GABRB3: variants seen among roughly 807,000 people sequenced by gnomAD.
The protein encoded by GABRB3 is gamma-aminobutyric acid receptor subunit beta-3.
GABRB3 carries 14 observed loss-of-function variants against 52.1 expected under a neutral mutation model. The observed-to-expected ratio is 0.27, with a 90% CI of 0.18 to 0.42. GABRB3 has a LOEUF of 0.42. Among genes scored for constraint, GABRB3 ranks in the 10% least tolerant of loss-of-function variants. The pLI, the probability that GABRB3 is intolerant of heterozygous loss-of-function variation, is 1.00. For synonymous variants in GABRB3, 260 were observed against 232.3 expected, an observed-to-expected ratio of 1.12 and a Z score of -1.08; for missense variants, 307 against 609.1, an observed-to-expected ratio of 0.50 and a Z score of 5.22.
intron 1 of GABRB3, 30 bp from the exon 2 acceptor site, chr15:26,772,802 G>C (rs766998233): frequency 6.6e-7 from 1 of 1,521,028 alleles, no homozygotes; most frequent in South Asian, 1.2e-5. Context: ...CACAAAGAGC[G>C]GGGTCAGGGG....
At chr15:26,730,667 G>T (rs2140149656) in intron 3 of GABRB3, among the ~76,000 whole-genome samples, 1 of 152,164 alleles carries the variant, frequency 6.6e-6, no homozygotes, top group South Asian at 2.1e-4. Flanking sequence ...TTTTTTCTAG[G>T]TTTGGTATCT....
At chr15:26,607,256 G>A (rs923584370) in intron 4 of GABRB3, among the ~76,000 whole-genome samples, 2 of 151,946 alleles carry the variant, frequency 1.3e-5, no homozygotes, top group Non-Finnish European at 2.9e-5. Context: ...CATTTAATTC[G>A]GCTTAAGTTT....
chr15:26,729,009 T>G (rs1595555034), intron 3 of GABRB3, among the ~76,000 whole-genome samples: 1 of 152,190 alleles, frequency 6.6e-6, no homozygotes, highest in South Asian at 2.1e-4. Flanking sequence ...TGAGTATACG[T>G]GAGTCAAGTC....
intron 3 of GABRB3, among the ~76,000 whole-genome samples, chr15:26,743,072 G>A (rs1379365723): frequency 1.3e-5 from 2 of 151,960 alleles, no homozygotes; most frequent in Admixed American, 1.3e-4. Context: ...TGGGATTACA[G>A]GCACGCACCA....
At chr15:26,686,775 G>T (rs572919648) in intron 3 of GABRB3, among the ~76,000 whole-genome samples, 1 of 152,220 alleles carries the variant, frequency 6.6e-6, no homozygotes, top group Non-Finnish European at 1.5e-5. Flanking sequence ...CAGGGCACCC[G>T]GCGTGGGATG....
intron 3 of GABRB3, among the ~76,000 whole-genome samples, chr15:26,705,301 C>A (rs1264125272): frequency 1.3e-5 from 2 of 152,210 alleles, no homozygotes; most frequent in African/African-American, 2.4e-5. Context: ...ATCTCATTCA[C>A]AGGGAAGAAG....
chr15:26,579,901 G>A (rs1375982736), intron 6 of GABRB3, among the ~76,000 whole-genome samples: 1 of 152,150 alleles, frequency 6.6e-6, no homozygotes, highest in Non-Finnish European at 1.5e-5. Flanking sequence ...CACTAAGGCT[G>A]GCTGCTAACC....
chr15:26,555,473 G>A (rs1047818836), intron 8 of GABRB3, among the ~76,000 whole-genome samples: 1 of 152,190 alleles, frequency 6.6e-6, no homozygotes, highest in Non-Finnish European at 1.5e-5. Context: ...CCACTGTTGT[G>A]TTTGGGAGAC....
Position 26,766,950 on chromosome 15 carries a change from A to T in GABRB3, c.240+5452T>A, listed in dbSNP as rs147285335. ...GAGGGGAAAGGCAAAAAGCATTCTC[A>T]TTTTGCTCTCTATACCGTACGTTCT... On this transcript the variant is annotated intron_variant, in intron 3 of 8. Coordinates refer to ENST00000311550, the MANE Select transcript of GABRB3 (RefSeq NM_000814.6). Among the ~76,000 whole-genome samples the T allele has an allele frequency of 2.0e-3, 303 of 152,236 alleles. 1 individual carries two copies. Among genetic ancestry groups the T allele is most frequent in the African/African-American group, 6.4e-3 (266 of 41,546 alleles).
chr15:26,616,247 C>T (rs1892252099), intron 4 of GABRB3, among the ~76,000 whole-genome samples: 1 of 152,108 alleles, frequency 6.6e-6, no homozygotes, highest in Admixed American at 6.5e-5. Flanking sequence ...TATCAAAAGT[C>T]ACGTGTAAAA....
intron 3 of GABRB3, among the ~76,000 whole-genome samples, chr15:26,748,538 C>T (rs749676024): frequency 3.3e-5 from 5 of 151,998 alleles, no homozygotes; most frequent in African/African-American, 9.7e-5. Flanking sequence ...TTCTTTTAAG[C>T]GTATGTGGGA....
chr15:26,723,707 C>A (rs904699394), intron 3 of GABRB3, among the ~76,000 whole-genome samples: 4 of 152,140 alleles, frequency 2.6e-5, no homozygotes, highest in African/African-American at 9.7e-5. Flanking sequence ...TATAGGTCAC[C>A]AGGAACGTGA....
intron 3 of GABRB3, among the ~76,000 whole-genome samples, chr15:26,627,659 A>G (rs1252514390): frequency 1.3e-5 from 2 of 152,146 alleles, no homozygotes; most frequent in African/African-American, 4.8e-5. Context: ...ATTTCCCTGA[A>G]TTTCTGGAAT....
chr15:26,603,467 A>G (rs1343618178), intron 4 of GABRB3, among the ~76,000 whole-genome samples: 1 of 151,974 alleles, frequency 6.6e-6, no homozygotes, highest in African/African-American at 2.4e-5. Context: ...AAAATAAAAC[A>G]AACAAAAAAT....
intron 3 of GABRB3, among the ~76,000 whole-genome samples, chr15:26,764,176 A>G (rs1890919971): frequency 8.2e-5 from 1 of 12,232 alleles, no homozygotes; most frequent in Non-Finnish European, 1.6e-4. Context: ...AAAAAAAAAA[A>G]AAAATATATA....
chr15:26,744,771 C>T (rs1282648198), intron 3 of GABRB3, among the ~76,000 whole-genome samples: 1 of 151,520 alleles, frequency 6.6e-6, no homozygotes, highest in African/African-American at 2.4e-5. Context: ...GTATCAAACT[C>T]ACGACATCAA....
At chr15:26,732,253 AATAGATGG>A (rs1248955189) in intron 3 of GABRB3, among the ~76,000 whole-genome samples, 1 of 120,912 alleles carries the variant, frequency 8.3e-6, no homozygotes, top group East Asian at 2.7e-4. Flanking sequence ...TGGATGGATG[AATAGATGG>A]ATGGATGGAT....
chr15:26,669,996 G>A (rs1001359894), intron 3 of GABRB3, among the ~76,000 whole-genome samples: 2 of 152,180 alleles, frequency 1.3e-5, no homozygotes, highest in Non-Finnish European at 2.9e-5. Context: ...GAGAGGCCCT[G>A]TCCATCTTCC....
At chr15:26,691,309 C>T (rs977804325) in intron 3 of GABRB3, among the ~76,000 whole-genome samples, 18 of 151,864 alleles carry the variant, frequency 1.2e-4, no homozygotes, top group South Asian at 2.1e-4. Flanking sequence ...TTTCCTGGTA[C>T]GGAAGGAAAG....
Sources: allele counts gnomAD v4.1 joint callset (sites outside exome capture counted in the v4.1 genomes callset), GRCh38; gene constraint gnomAD v4.1.1; transcripts MANE v1.5; gene names NCBI Gene and HGNC (gene_info 2026-07-23, HGNC 2026-07-21).